Variants in PRDM15 observed in about 807,000 individuals in gnomAD.
PRDM15 encodes PR/SET domain 15.
In PRDM15, 64 loss-of-function variants were observed where a neutral mutation model predicts 128.6. That is an observed-to-expected ratio of 0.50 (90% CI 0.41 to 0.61). The LOEUF (loss-of-function observed/expected upper bound fraction) is 0.61, where lower values mean the gene tolerates loss of function less well. PRDM15 is among the 20% of genes least tolerant of loss of function. The probability of loss-of-function intolerance (pLI) is 0.00; values close to 1 mark genes in which losing one functional copy is unlikely to be tolerated. For missense variants in PRDM15, 1,242 were observed against 1,569.1 expected, an observed-to-expected ratio of 0.79 and a Z score of 3.52; for synonymous variants, 615 against 621.8, an observed-to-expected ratio of 0.99 and a Z score of 0.16.
At chr21:41,835,857 ATCCCT>A (rs2062859650) in intron 10 of PRDM15, among the ~76,000 whole-genome samples, 1 of 148,988 alleles carries the variant, frequency 6.7e-6, no homozygotes, top group Non-Finnish European at 1.5e-5. Context: ...ACCCGCTCTC[ATCCCT>A]CCTGGGACTC....
rs1266793679 is a variant in PRDM15 at position 41,828,721 on chromosome 21, C to T, written c.1367-388G>A. The stretch of plus-strand genomic sequence containing the variant: ...CATGACTGACTGACAGATAGAATGA[C>T]CTACCTACCAACCAACCAACCAACC... On this transcript the variant is annotated intron_variant, in intron 11 of 23. Transcript: ENST00000398548. This position sits in a 1 kb window ranked among gnomAD's most constrained non-coding sequence, Gnocchi z 5.7. Among the ~76,000 whole-genome samples the T allele has an allele frequency of 6.6e-6, 1 of 150,758 alleles. No individual in the cohort carries two copies. The highest frequency in any genetic ancestry group is 1.5e-5 in the Non-Finnish European group (1 of 67,896).
chr21:41,819,985 G>A lies in PRDM15; in HGVS notation c.2140+110C>T, dbSNP rs2062195081. Reference sequence around the variant, plus strand: ...TGGAGAAACAGAGGAAGGCATGGGGGAGGCAAGGTGCGACGGCTCTGTGTG... The same window carrying A: ...TGGAGAAACAGAGGAAGGCATGGGGAAGGCAAGGTGCGACGGCTCTGTGTG... On this transcript the variant is annotated intron_variant, in intron 17 of 23. Coordinates refer to ENST00000398548, the MANE Select transcript of PRDM15 (RefSeq NM_001040424.3). 16 of 920,130 alleles carry A rather than the reference G, an allele frequency of 1.7e-5. 1 individual carries two copies. The Admixed American group carries it at 3.0e-4, about 17-fold the overall frequency. 57.0% of individuals were successfully genotyped at this position (920,130 alleles called of 1,614,324 possible).
intron 22 of PRDM15, 30 bp from the exon 23 acceptor site, chr21:41,802,951 C>T (rs953442848): frequency 1.3e-6 from 2 of 1,598,926 alleles, no homozygotes. Context: ...AGCCGAGAAC[C>T]AGGTTAGTCG....
Position 41,821,840 on chromosome 21 carries a change from A to G in PRDM15, c.1896+63T>C. On this transcript the variant is annotated intron_variant, in intron 15 of 23. Transcript: ENST00000398548. The surrounding 1 kb of genome is among the most constrained non-coding windows in gnomAD (Gnocchi z 5.4). ...AAGGTGCCTGCTGTGTGGGGCCCAC[A>G]GCCTTGAAACGACCACCTTCCTCTC... The G allele has an allele frequency of 6.2e-7, 1 of 1,600,724 alleles. No individual in the cohort carries two copies.
chr21:41,815,613 C>T lies in PRDM15; in HGVS notation c.2392+92G>A, dbSNP rs117074580. 2.0e-4 allele frequency: 307 copies of T among 1,507,964 alleles called. No individual in the cohort carries two copies. The East Asian group carries it at 3.8e-3, about 19-fold the overall frequency. 93.4% of individuals were successfully genotyped at this position (1,507,964 alleles called of 1,614,324 possible). On this transcript the variant is annotated intron_variant, in intron 19 of 23. Coordinates refer to ENST00000398548, the MANE Select transcript of PRDM15 (RefSeq NM_001040424.3). ...CTCAGTGGGAATCACAAAGAGGAAT[C>T]GTCTCAAGGCGGCTCTCTCTTCTCC...
At chr21:41,839,222 G>A (rs1402030501) in intron 7 of PRDM15, among the ~76,000 whole-genome samples, 2 of 152,222 alleles carry the variant, frequency 1.3e-5, no homozygotes, top group African/African-American at 4.8e-5. Flanking sequence ...GATAAACCAC[G>A]TGGGCGGGTC....
chr21:41,848,258 G>C (rs1289500260), intron 5 of PRDM15, among the ~76,000 whole-genome samples: 1 of 152,200 alleles, frequency 6.6e-6, no homozygotes, highest in African/African-American at 2.4e-5. Context: ...CCAGCACTAA[G>C]GATGCAATGA....
rs1015810627 is a variant in PRDM15 at position 41,867,236 on chromosome 21, G to A, written c.-9-6864C>T. 3.6e-5 allele frequency: 45 copies of A among 1,263,404 alleles called. 1 individual carries two copies. Among genetic ancestry groups the A allele is most frequent in the South Asian group, 8.8e-5 (7 of 79,142 alleles). 78.3% of individuals were successfully genotyped at this position (1,263,404 alleles called of 1,614,324 possible). ...GCCACTCAGGGGCCTCTGCTGCGCC[G>A]GTAGTCAAACTTCGTAACACCAAAA... On this transcript the variant is annotated intron_variant, in intron 1 of 23. Coordinates refer to ENST00000398548, the MANE Select transcript of PRDM15 (RefSeq NM_001040424.3).
intron 21 of PRDM15, among the ~76,000 whole-genome samples, chr21:41,809,263 C>T (rs1292203699): frequency 7.1e-6 from 1 of 141,098 alleles, no homozygotes. Flanking sequence ...GATGGAATCT[C>T]GTTCTGTCAC....
At chr21:41,875,977 CCTA>C (rs2064399912) in intron 1 of PRDM15, among the ~76,000 whole-genome samples, 1 of 152,184 alleles carries the variant, frequency 6.6e-6, no homozygotes, top group Non-Finnish European at 1.5e-5. Context: ...TACGGCCCAG[CCTA>C]CGACTCCTAG....
chr21:41,860,357 C>T lies in PRDM15; in HGVS notation c.7G>A (p.Glu3Lys). 1 of 1,613,940 alleles carries T rather than the reference C, an allele frequency of 6.2e-7. No individual in the cohort carries two copies. Among genetic ancestry groups the T allele is most frequent in the Non-Finnish European group, 8.5e-7 (1 of 1,179,828 alleles). ...AACATGATCTCTTCGCTCCCATCTT[C>T]AGCCATCTCTGACACCTGTCAGGAT... Reference protein sequence around the residue: MAEDGSEEIMFIW... With the variant: MAKDGSEEIMFIW... The change falls in exon 2 of 24, where the codon GAA becomes AAA. Residue 3 changes from glutamate (E) to lysine (K), a missense_variant. This residue lies in a region of PRDM15 where 612 missense variants were observed against 717.0 expected (regional missense o/e 0.85). Transcript: ENST00000398548.
chr21:41,812,436 A>G (rs184498435), intron 19 of PRDM15: 1 of 152,304 alleles, frequency 6.6e-6, no homozygotes, highest in East Asian at 1.9e-4. Flanking sequence ...AACAGGTTTA[A>G]TTAGAGCCCG....
chr21:41,858,996 C>T (rs1187575289), intron 3 of PRDM15: 5 of 1,496,408 alleles, frequency 3.3e-6, no homozygotes, highest in South Asian at 2.5e-5. Context: ...CAGAGGCCAC[C>T]GAGGTCCGGA....
Position 41,810,153 on chromosome 21 carries a change from C to T in PRDM15, c.2652+1G>A, listed in dbSNP as rs1214404257. 6.2e-7 allele frequency: 1 copy of T among 1,604,632 alleles called. No individual in the cohort carries two copies. Among genetic ancestry groups the T allele is most frequent in the Non-Finnish European group, 8.5e-7 (1 of 1,176,634 alleles). ...CGGAGGGGGCACAGCCACCAGCTCA[C>T]CTCGGGGTGCTTGCGCCGCATGTGT... is the stretch of plus-strand genomic sequence containing the variant. On this transcript the variant is annotated splice_donor_variant, in intron 21 of 23. Transcript: ENST00000398548. LOFTEE classifies it high-confidence loss of function. The surrounding 1 kb of genome is among the most constrained non-coding windows in gnomAD (Gnocchi z 6.4).
Position 41,836,275 on chromosome 21 carries a change from G to A in PRDM15, c.1184-68C>T, listed in dbSNP as rs145586414. 6,094 of 1,459,512 alleles carry A rather than the reference G, an allele frequency of 4.2e-3. 22 individuals are homozygous for A. Among genetic ancestry groups the A allele is most frequent in the Non-Finnish European group, 4.3e-3 (4,517 of 1,049,982 alleles). 90.4% of individuals were successfully genotyped at this position (1,459,512 alleles called of 1,614,324 possible). A position where few individuals can be genotyped will look rare whatever the true frequency, so the allele number is the denominator to read the frequency against. On this transcript the variant is annotated intron_variant, in intron 9 of 23. Coordinates refer to ENST00000398548, the MANE Select transcript of PRDM15 (RefSeq NM_001040424.3). ...ATTTACCGAGAGAAGCATGCCCACC[G>A]GGGAAATGCCCCACAAGCCGCCTCG...
Position 41,810,498 on chromosome 21 carries a change from C to T in PRDM15, c.2477-169G>A. 1 of 725,442 alleles carries T rather than the reference C, an allele frequency of 1.4e-6. No individual in the cohort carries two copies. The highest frequency in any genetic ancestry group is 2.3e-6 in the Non-Finnish European group (1 of 444,228). 44.9% of individuals were successfully genotyped at this position (725,442 alleles called of 1,614,324 possible). A position where few individuals can be genotyped will look rare whatever the true frequency, so the allele number is the denominator to read the frequency against. On this transcript the variant is annotated intron_variant, in intron 20 of 23. Transcript: ENST00000398548. This position sits in a 1 kb window ranked among gnomAD's most constrained non-coding sequence, Gnocchi z 6.4. ...TCCCCGAGCACACATGAGCACAGAGCCTCTGTCCCTTGGGGAGCACTGCCA... is the reference window on the plus strand; with the variant it reads ...TCCCCGAGCACACATGAGCACAGAGTCTCTGTCCCTTGGGGAGCACTGCCA...
In PRDM15 at chr21:41,816,133, G is replaced by A. The variant is rs546966791; in HGVS notation, c.2261-297C>T. Among the ~76,000 whole-genome samples the A allele has an allele frequency of 1.4e-3, 206 of 152,352 alleles. 2 individuals are homozygous for A. Among genetic ancestry groups the A allele is most frequent in the African/African-American group, 4.8e-3 (199 of 41,584 alleles). On this transcript the variant is annotated intron_variant, in intron 18 of 23. Coordinates refer to ENST00000398548, the MANE Select transcript of PRDM15 (RefSeq NM_001040424.3). Reference sequence around the variant, plus strand: ...TGGGTAAACTTCCCTGCGTGCCCATGGCAACCCGGCGGGAGAATTCGGTGA... The same window carrying A: ...TGGGTAAACTTCCCTGCGTGCCCATAGCAACCCGGCGGGAGAATTCGGTGA...
intron 11 of PRDM15, among the ~76,000 whole-genome samples, chr21:41,832,000 C>A (rs560725379): frequency 6.6e-6 from 1 of 151,648 alleles, no homozygotes; most frequent in Admixed American, 6.6e-5. Flanking sequence ...TTCGTTTTGG[C>A]TTAAGATTTG....
intron 1 of PRDM15, among the ~76,000 whole-genome samples, chr21:41,864,439 T>A (rs140134174): frequency 4.0e-5 from 6 of 150,314 alleles, no homozygotes; most frequent in African/African-American, 1.5e-4. Flanking sequence ...CATTTGCATC[T>A]TCATTCAGAA....
Sources: allele counts gnomAD v4.1 joint callset (sites outside exome capture counted in the v4.1 genomes callset), GRCh38; gene constraint gnomAD v4.1.1; regional missense constraint gnomAD v4.1.1; non-coding constraint Gnocchi (gnomAD v3.1); transcripts MANE v1.5; gene names NCBI Gene and HGNC (gene_info 2026-07-23, HGNC 2026-07-21).